The following NOTCH2 variants were observed in gnomAD, a reference collection of about 807,000 sequenced individuals.
NOTCH2 encodes the protein notch receptor 2.
A neutral mutation model predicts 235.8 loss-of-function variants in NOTCH2; 29 were observed. The ratio of observed to expected loss-of-function variants is 0.12; its 90% CI spans 0.09 to 0.17. The LOEUF (loss-of-function observed/expected upper bound fraction) is 0.17. Ranked by LOEUF, NOTCH2 falls within the 10% of genes least tolerant of loss-of-function variation. The pLI, the probability that NOTCH2 is intolerant of heterozygous loss-of-function variation, is 1.00. For synonymous variants in NOTCH2, 1,086 were observed against 1,141.5 expected (o/e 0.95, Z 0.98); for missense variants, 2,285 against 3,150.2 (o/e 0.73, Z 6.57).
chr1:119,927,391 G>A (rs190112214), intron 23 of NOTCH2, among the ~76,000 whole-genome samples: 70 of 152,250 alleles, frequency 4.6e-4, no homozygotes, highest in African/African-American at 1.6e-3. Context: ...ATAAATGTTT[G>A]TCTCTTCAAA....
chr1:119,937,379 G>C lies in NOTCH2; in HGVS notation c.3425C>G (p.Thr1142Ser). 6.2e-7 allele frequency: 1 copy of C among 1,614,158 alleles called. No homozygotes were observed. The highest frequency in any genetic ancestry group is 1.1e-5 in the South Asian group (1 of 91,080). The change falls in exon 21 of 34, where the codon ACT becomes AGT. Residue 1142 changes from threonine (T) to serine (S), a missense_variant. Thr to Ser is a moderately conservative substitution (Grantham distance 58). Transcript: ENST00000256646. ...GAGTTGCTCCTCACAGTAGCTCCCA[G>C]TATAGCCCAGGGGGCACTGACAGTA... ...THYCQCPLGY[T>S]GSYCEEQLDE...
At chr1:119,932,687 T>G (rs183686470) in intron 22 of NOTCH2, among the ~76,000 whole-genome samples, 2 of 152,228 alleles carry the variant, frequency 1.3e-5, no homozygotes, top group African/African-American at 4.8e-5. Flanking sequence ...TATTTTGATA[T>G]GAAAATATCT....
chr1:119,955,218 T>C lies in NOTCH2; in HGVS notation c.2041A>G (p.Ile681Val), dbSNP rs1570689924. Residue 681 changes from isoleucine to valine, a missense_variant, in exon 13 of 34, where the codon ATT becomes GTT. Coordinates refer to ENST00000256646, the MANE Select transcript of NOTCH2 (RefSeq NM_024408.4). ...TTGGAGGCACACTCATCAATGTCAA[T>C]GTTACATCTCTGCCCTGTGGAGAAG... ...SPGFTGQRCNIDIDECASNPC... is the reference protein window; with the variant it reads ...SPGFTGQRCNVDIDECASNPC... 6.2e-7 allele frequency: 1 copy of C among 1,614,118 alleles called. No individual in the cohort carries two copies. Among genetic ancestry groups the C allele is most frequent in the East Asian group, 2.2e-5 (1 of 44,888 alleles).
chr1:120,001,631 T>C (rs1278891622), intron 3 of NOTCH2, among the ~76,000 whole-genome samples: 10 of 152,134 alleles, frequency 6.6e-5, no homozygotes, highest in African/African-American at 2.4e-4. Context: ...TTGATTATGT[T>C]GGACTTCTTC....
In NOTCH2 at chr1:119,921,696, T is replaced by A; in HGVS notation, c.5310+17A>T. On this transcript the variant is annotated intron_variant, in intron 29 of 33. Transcript: ENST00000256646. ...AGATAATGGCTGACAATGGTGGTTC[T>A]ACCATGGCCACCTCACCTTTACTTT... is the stretch of plus-strand genomic sequence containing the variant. 1 of 1,607,932 alleles carries A rather than the reference T, an allele frequency of 6.2e-7. No individual in the cohort carries two copies. The highest frequency in any genetic ancestry group is 8.5e-7 in the Non-Finnish European group (1 of 1,174,330).
intron 2 of NOTCH2, among the ~76,000 whole-genome samples, chr1:120,014,575 C>A (rs1653353736): frequency 7.5e-6 from 1 of 133,804 alleles, no homozygotes; most frequent in African/African-American, 3.0e-5. Flanking sequence ...AAGGATACCC[C>A]TACAGTTTCC....
intron 23 of NOTCH2, among the ~76,000 whole-genome samples, chr1:119,928,119 A>G (rs1256211644): frequency 6.6e-6 from 1 of 152,190 alleles, no homozygotes; most frequent in Admixed American, 6.5e-5. Context: ...ACAAACAACT[A>G]TTTTAGTTCC....
At chr1:119,916,722 A>G (rs1224485323) in intron 33 of NOTCH2, 28 bp from the exon 34 acceptor site, 62 of 1,610,730 alleles carry the variant, frequency 3.8e-5, no homozygotes, top group Non-Finnish European at 5.3e-5. Context: ...CACAGAACAC[A>G]TGTTAATAAC....
intron 5 of NOTCH2, among the ~76,000 whole-genome samples, chr1:119,984,325 A>G (rs781827559): frequency 1.3e-5 from 2 of 152,212 alleles, no homozygotes; most frequent in Non-Finnish European, 2.9e-5. Context: ...TTGGAGTTCA[A>G]CAAGCCTAGA....
chr1:119,940,970 G>A (rs186256395), intron 18 of NOTCH2, among the ~76,000 whole-genome samples: 1 of 152,262 alleles, frequency 6.6e-6, no homozygotes, highest in East Asian at 1.9e-4. Flanking sequence ...TTAAAAGACT[G>A]AGCTTACTAT....
Position 119,949,032 on chromosome 1 carries a change from A to G in NOTCH2, c.2574T>C (p.Thr858=), listed in dbSNP as rs587630318. ...CTTGCCAGCCAGGAGCACACAAGCAAGTATAACTCTCAAAATTTGGTGACT... is the reference window on the plus strand; with the variant it reads ...CTTGCCAGCCAGGAGCACACAAGCAGGTATAACTCTCAAAATTTGGTGACT... ...CKESPNFESY[T]CLCAPGWQGQ... is the part of the protein sequence containing the mutation. Residue 858 remains threonine, a synonymous_variant, in exon 16 of 34, where the codon ACT becomes ACC. Coordinates refer to ENST00000256646, the MANE Select transcript of NOTCH2 (RefSeq NM_024408.4). The G allele has an allele frequency of 6.2e-7, 1 of 1,614,218 alleles. No homozygotes were observed. The highest frequency in any genetic ancestry group is 2.2e-5 in the East Asian group (1 of 44,892).
chr1:119,944,462 G>C (rs1045485737), intron 17 of NOTCH2, among the ~76,000 whole-genome samples: 3 of 151,288 alleles, frequency 2.0e-5, no homozygotes, highest in Non-Finnish European at 4.4e-5. Context: ...GCAAACCCAG[G>C]AGGCGGAGCT....
chr1:120,068,771 G>A (rs1553217542), intron 1 of NOTCH2: 2 of 351,782 alleles, frequency 5.7e-6, no homozygotes, highest in East Asian at 1.1e-4. Context: ...GACTTTCGGT[G>A]GGGTTGGAGT....
chr1:119,912,764 C>T lies in NOTCH2; in HGVS notation c.*2542G>A, dbSNP rs1047368034. On this transcript the variant is annotated 3_prime_UTR_variant, in exon 34 of 34. Coordinates refer to ENST00000256646, the MANE Select transcript of NOTCH2 (RefSeq NM_024408.4). Reference sequence around the variant, plus strand: ...ATGAGAAAGTGATTATCCATCTTACCTTCCCTTTTATTAGATACCACACAA... The same window carrying T: ...ATGAGAAAGTGATTATCCATCTTACTTTCCCTTTTATTAGATACCACACAA... 1 of 233,554 alleles carries T rather than the reference C, an allele frequency of 4.3e-6. No individual in the cohort carries two copies. The highest frequency in any genetic ancestry group is 8.5e-6 in the Non-Finnish European group (1 of 117,998). 14.5% of individuals were successfully genotyped at this position (233,554 alleles called of 1,614,324 possible).
At chr1:119,984,086 T>C (rs1473120515) in intron 5 of NOTCH2, among the ~76,000 whole-genome samples, 2 of 152,152 alleles carry the variant, frequency 1.3e-5, no homozygotes, top group East Asian at 3.8e-4. Flanking sequence ...CTATTAGGTA[T>C]AGTGAAAAAG....
At chr1:119,959,610 A>C in intron 11 of NOTCH2, 108 bp from the exon 12 acceptor site, 1 of 727,280 alleles carries the variant, frequency 1.4e-6, no homozygotes, top group East Asian at 2.6e-5. Flanking sequence ...AATTCCAGCC[A>C]ACCCTGGACA....
rs1654632912 is a variant in NOTCH2 at position 120,042,827 on chromosome 1, G to A, written c.74-12840C>T. ...CCCTCCCCCAATCCAATGTAATCTGGCTTTAAAATTGTTAAGAAGAACAAG... is the reference window on the plus strand; with the variant it reads ...CCCTCCCCCAATCCAATGTAATCTGACTTTAAAATTGTTAAGAAGAACAAG... On this transcript the variant is annotated intron_variant, in intron 1 of 33. Coordinates refer to ENST00000256646, the MANE Select transcript of NOTCH2 (RefSeq NM_024408.4). 2.0e-5 allele frequency among the ~76,000 whole-genome samples: 3 copies of A among 151,450 alleles called. No individual in the cohort carries two copies. The South Asian group carries it at 6.3e-4, about 32-fold the overall frequency.
Position 119,940,819 on chromosome 1 carries a change from T to C in NOTCH2, c.2982-63A>G. 7 of 1,424,232 alleles carry C rather than the reference T, an allele frequency of 4.9e-6. No individual in the cohort carries two copies. In the South Asian group the frequency reaches 8.2e-5, roughly 17 times the overall value. 88.2% of individuals were successfully genotyped at this position (1,424,232 alleles called of 1,614,324 possible). ...GTGCCTGTGACTTACTACTACAAAG[T>C]AAGATTTCTGGAATCTAAGATCATA... is the stretch of plus-strand genomic sequence containing the variant. On this transcript the variant is annotated intron_variant, in intron 18 of 33. Transcript: ENST00000256646.
intron 25 of NOTCH2, 106 bp downstream of exon 25, chr1:119,925,199 C>A: frequency 7.0e-7 from 1 of 1,423,500 alleles, no homozygotes; most frequent in Non-Finnish European, 9.9e-7. Context: ...ATCTGAAAAG[C>A]AGAGGCAGCT....
Sources: allele counts gnomAD v4.1 joint callset (sites outside exome capture counted in the v4.1 genomes callset), GRCh38; gene constraint gnomAD v4.1.1; transcripts MANE v1.5; gene names NCBI Gene and HGNC (gene_info 2026-07-23, HGNC 2026-07-21).